The following TMEM163 variants were observed in gnomAD, a reference collection of about 807,000 sequenced individuals.
TMEM163 encodes transmembrane protein 163.
Under a neutral mutation model 29.3 loss-of-function variants are expected in TMEM163, and 17 were observed. The ratio of observed to expected loss-of-function variants is 0.58; its 90% confidence interval spans 0.40 to 0.87. The LOEUF is 0.87. Among genes scored for constraint, TMEM163 ranks in the 40% least tolerant of loss-of-function variants. The pLI is 0.00. For missense variants in TMEM163, 303 were observed against 381.5 expected, an observed-to-expected ratio of 0.79 and a Z score of 1.71; for synonymous variants, 157 against 160.6, an observed-to-expected ratio of 0.98 and a Z score of 0.17.
At chr2:134,660,545 C>G (rs1683723406) in intron 2 of TMEM163, among the ~76,000 whole-genome samples, 1 of 152,268 alleles carries the variant, frequency 6.6e-6, no homozygotes, top group Non-Finnish European at 1.5e-5. Flanking sequence ...AAAAACAATT[C>G]CTTTCCTTAT....
intron 4 of TMEM163, among the ~76,000 whole-genome samples, chr2:134,523,962 T>C (rs989235927): frequency 2.6e-5 from 4 of 152,160 alleles, no homozygotes; most frequent in African/African-American, 9.7e-5. Flanking sequence ...TTTTAAACAT[T>C]CTACAATACA....
In TMEM163 at chr2:134,550,625, C is replaced by G; in HGVS notation, c.403G>C (p.Val135Leu). The part of the protein sequence containing the change: ...AILDVLSSAI[V>L]LWRYSNAAAV... Reference sequence around the variant, plus strand: ...GCCGCGTTGCTGTAACGCCACAGGACAATCGCCGATGACAGGACGTCCAGG... The same window carrying G: ...GCCGCGTTGCTGTAACGCCACAGGAGAATCGCCGATGACAGGACGTCCAGG... Residue 135 changes from valine (V) to leucine (L), a missense_variant, in exon 4 of 8, where the codon GTC (valine) becomes CTC (leucine). By Grantham distance (32) the Val-to-Leu change is conservative (BLOSUM62 1). Transcript: ENST00000281924. 1 of 1,614,186 alleles carries G rather than the reference C, an allele frequency of 6.2e-7. No homozygotes were observed. Among genetic ancestry groups the G allele is most frequent in the Non-Finnish European group, 8.5e-7 (1 of 1,180,030 alleles).
At chr2:134,677,236 C>T (rs1684135019) in intron 2 of TMEM163, among the ~76,000 whole-genome samples, 1 of 152,184 alleles carries the variant, frequency 6.6e-6, no homozygotes, top group African/African-American at 2.4e-5. Context: ...GGCTGCAGAG[C>T]AGTGAGGCCC....
chr2:134,567,099 T>C (rs909026096), intron 2 of TMEM163, among the ~76,000 whole-genome samples: 1 of 152,172 alleles, frequency 6.6e-6, no homozygotes, highest in African/African-American at 2.4e-5. Context: ...CCACCGTACA[T>C]CCCTCCATAT....
chr2:134,702,575 G>T (rs1485093571), intron 2 of TMEM163, among the ~76,000 whole-genome samples: 2 of 152,146 alleles, frequency 1.3e-5, no homozygotes, highest in Non-Finnish European at 2.9e-5. Context: ...AGCCTGGAAG[G>T]TCAAGGCTGC....
At chr2:134,660,050 C>T (rs989366814) in intron 2 of TMEM163, among the ~76,000 whole-genome samples, 2 of 152,184 alleles carry the variant, frequency 1.3e-5, no homozygotes, top group Admixed American at 6.5e-5. Flanking sequence ...AGGAGCCAGC[C>T]TTGCCCAGAT....
At chr2:134,668,516 G>C (rs1467048657) in intron 2 of TMEM163, among the ~76,000 whole-genome samples, 1 of 150,366 alleles carries the variant, frequency 6.7e-6, no homozygotes, top group East Asian at 1.9e-4. Context: ...TAGGCTTAGA[G>C]AACACAGAGA....
At chr2:134,597,082 T>C (rs1682104475) in intron 2 of TMEM163, among the ~76,000 whole-genome samples, 1 of 152,186 alleles carries the variant, frequency 6.6e-6, no homozygotes, top group Non-Finnish European at 1.5e-5. Context: ...GACTTCCTCT[T>C]TTCCTAATTG....
At chr2:134,642,013 G>A (rs922032670) in intron 2 of TMEM163, among the ~76,000 whole-genome samples, 3 of 151,938 alleles carry the variant, frequency 2.0e-5, no homozygotes, top group Non-Finnish European at 4.4e-5. Flanking sequence ...GTGAAGGGTC[G>A]ATTCATCAAG....
intron 2 of TMEM163, among the ~76,000 whole-genome samples, chr2:134,609,556 C>G (rs111545968): frequency 2.4e-5 from 2 of 84,620 alleles, no homozygotes; most frequent in African/African-American, 5.1e-5. Context: ...GGAAGACAGA[C>G]CCCGAGAACT....
intron 2 of TMEM163, among the ~76,000 whole-genome samples, chr2:134,639,088 G>A (rs12105557): frequency 0.085 from 12,866 of 152,132 alleles, 621 homozygotes; most frequent in South Asian, 0.17. Context: ...ATGATCTGAC[G>A]CCTGGACCCA....
chr2:134,631,733 A>G (rs983953823), intron 2 of TMEM163, among the ~76,000 whole-genome samples: 2 of 152,250 alleles, frequency 1.3e-5, no homozygotes, highest in African/African-American at 4.8e-5. Context: ...AATAAATGTT[A>G]CCAAAGGCAT....
At chr2:134,488,135 T>C (rs56122624) in intron 5 of TMEM163, among the ~76,000 whole-genome samples, 17,260 of 152,276 alleles carry the variant, frequency 0.11, 1,209 homozygotes, top group South Asian at 0.2. Flanking sequence ...AATGCACATA[T>C]GTGATGGTTA....
intron 5 of TMEM163, among the ~76,000 whole-genome samples, chr2:134,476,367 ATTCTATATCTTCATTGTGGTGG>A (rs1397716758): frequency 6.6e-6 from 1 of 152,292 alleles, no homozygotes; most frequent in East Asian, 1.9e-4. Context: ...TGATGGAAAT[ATTCTATATCTTCATTGTGGTGG>A]TAGTTCTGTG....
chr2:134,501,750 A>G (rs1194900268), intron 5 of TMEM163, among the ~76,000 whole-genome samples: 2 of 152,228 alleles, frequency 1.3e-5, no homozygotes, highest in Non-Finnish European at 2.9e-5. Context: ...ACAGGACTGT[A>G]ATAAATGGTA....
chr2:134,573,123 CA>C (rs1275900954), intron 2 of TMEM163, among the ~76,000 whole-genome samples: 7 of 152,040 alleles, frequency 4.6e-5, no homozygotes, highest in African/African-American at 1.7e-4. Context: ...TTACATGGCC[CA>C]AGGAAACAGA....
intron 5 of TMEM163, among the ~76,000 whole-genome samples, chr2:134,484,371 T>C (rs1381238556): frequency 6.6e-6 from 1 of 152,070 alleles, no homozygotes; most frequent in African/African-American, 2.4e-5. Context: ...ATTAGTCATA[T>C]CAAAAACATT....
chr2:134,598,209 G>T (rs1682134975), intron 2 of TMEM163, among the ~76,000 whole-genome samples: 1 of 152,152 alleles, frequency 6.6e-6, no homozygotes, highest in African/African-American at 2.4e-5. Flanking sequence ...TGCCCTGACT[G>T]ATCTAGACTA....
intron 6 of TMEM163, chr2:134,459,168 T>C (rs554567): frequency 0.65 from 99,608 of 152,120 alleles, 35,668 homozygotes; most frequent in East Asian, 0.98. Context: ...ACGCCAGGCC[T>C]GGCTTCCCCT....
Sources: allele counts gnomAD v4.1 joint callset (sites outside exome capture counted in the v4.1 genomes callset), GRCh38; gene constraint gnomAD v4.1.1; transcripts MANE v1.5; gene names NCBI Gene and HGNC (gene_info 2026-07-23, HGNC 2026-07-21).